The following TMEM74 variants were observed in gnomAD, a reference collection of about 807,000 sequenced individuals.
TMEM74 encodes transmembrane protein 74.
Under a neutral mutation model 18.1 loss-of-function variants are expected in TMEM74, and 13 were observed. That is an observed-to-expected ratio of 0.72 (90% CI 0.47 to 1.14). The LOEUF (loss-of-function observed/expected upper bound fraction) is 1.14, where lower values mean the gene tolerates loss of function less well. TMEM74 is among the 50% of genes most tolerant of loss of function. The pLI, the probability that TMEM74 is intolerant of heterozygous loss-of-function variation, is 0.00. For missense variants in TMEM74, 372 were observed against 375.9 expected, an observed-to-expected ratio of 0.99 and a Z score of 0.09; for synonymous variants, 159 against 146.6, an observed-to-expected ratio of 1.08 and a Z score of -0.61.
intron 1 of TMEM74, among the ~76,000 whole-genome samples, chr8:108,738,593 G>A (rs1319722801): frequency 6.6e-6 from 1 of 152,076 alleles, no homozygotes; most frequent in East Asian, 1.9e-4. Flanking sequence ...AAGGGTCATG[G>A]TGATACAATG....
chr8:108,667,936 T>C (rs1316577943), intron 1 of TMEM74, among the ~76,000 whole-genome samples: 1 of 152,178 alleles, frequency 6.6e-6, no homozygotes, highest in Non-Finnish European at 1.5e-5. Context: ...TGCTTCATTT[T>C]ATGGACACCA....
intron 1 of TMEM74, among the ~76,000 whole-genome samples, chr8:108,669,547 A>T (rs1055103634): frequency 1.3e-5 from 2 of 152,130 alleles, no homozygotes; most frequent in Admixed American, 6.6e-5. Context: ...ATAACTGGTG[A>T]CTCTGAGCAG....
chr8:108,620,763 G>A (rs1266024992), intron 2 of TMEM74, among the ~76,000 whole-genome samples: 1 of 152,008 alleles, frequency 6.6e-6, no homozygotes, highest in Non-Finnish European at 1.5e-5. Flanking sequence ...CTTGTCTGAG[G>A]GGACAGTGTT....
intron 1 of TMEM74, among the ~76,000 whole-genome samples, chr8:108,758,990 CAT>C (rs1394800483): frequency 2.0e-5 from 3 of 151,962 alleles, no homozygotes; most frequent in Non-Finnish European, 2.9e-5. Context: ...TGCTTAAAGA[CAT>C]GTGTCCAAAT....
In TMEM74 at chr8:108,713,054, G is replaced by A. The variant is rs181562166; in HGVS notation, n.120-57617C>T. ...TAGGATCTATTCCAGAGTTATTGAC[G>A]ATGTTATTGGAGTCCACAAATACAT... is the stretch of plus-strand genomic sequence containing the variant. On this transcript the variant is annotated intron_variant and non_coding_transcript_variant, in intron 1 of 3. Coordinates refer to the TMEM74 transcript ENST00000518838. 3.9e-5 allele frequency among the ~76,000 whole-genome samples: 6 copies of A among 152,256 alleles called. No homozygotes were observed. The East Asian group carries it at 5.8e-4, about 15-fold the overall frequency.
At chr8:108,691,222 A>G (rs1264476082) in intron 1 of TMEM74, among the ~76,000 whole-genome samples, 1 of 152,098 alleles carries the variant, frequency 6.6e-6, no homozygotes, top group Non-Finnish European at 1.5e-5. Context: ...AAAGGATGTG[A>G]TCTCTTTGGT....
intron 1 of TMEM74, among the ~76,000 whole-genome samples, chr8:108,758,101 AC>A (rs1338359509): frequency 6.6e-6 from 1 of 152,090 alleles, no homozygotes; most frequent in Non-Finnish European, 1.5e-5. Context: ...TTTTATAATA[AC>A]CTACAAGTAA....
intron 1 of TMEM74, among the ~76,000 whole-genome samples, chr8:108,670,565 T>C (rs1042696187): frequency 1.3e-5 from 2 of 152,190 alleles, no homozygotes; most frequent in East Asian, 3.8e-4. Context: ...GTGATTTATT[T>C]TGATACTTTC....
chr8:108,678,748 T>C (rs1813081779), intron 1 of TMEM74, among the ~76,000 whole-genome samples: 1 of 150,712 alleles, frequency 6.6e-6, no homozygotes, highest in Non-Finnish European at 1.5e-5. Context: ...TTTATTTATT[T>C]ATTTTATTAT....
chr8:108,770,918 C>A (rs754981545), intron 1 of TMEM74, among the ~76,000 whole-genome samples: 2 of 152,080 alleles, frequency 1.3e-5, no homozygotes, highest in Non-Finnish European at 1.5e-5. Context: ...AAGACATGAG[C>A]TGTTCAGAGG....
intron 1 of TMEM74, among the ~76,000 whole-genome samples, chr8:108,773,035 C>T (rs1320753553): frequency 6.6e-6 from 1 of 151,984 alleles, no homozygotes; most frequent in Non-Finnish European, 1.5e-5. Context: ...AATGATTCTC[C>T]ACTACATTAG....
rs1048240837 is a variant in TMEM74, at chr8:108,755,204, A to T, written n.119+32272T>A. Among the ~76,000 whole-genome samples, 3 of 152,196 alleles carry T rather than the reference A, an allele frequency of 2.0e-5. No individual in the cohort carries two copies. The East Asian group carries it at 5.8e-4, about 30-fold the overall frequency. ...GCCTTTAGTCTGACCATCCCAAGGGATTGAATTCTGCTAACTACCTGAGTG... is the reference window on the plus strand; with the variant it reads ...GCCTTTAGTCTGACCATCCCAAGGGTTTGAATTCTGCTAACTACCTGAGTG... On this transcript the variant is annotated intron_variant and non_coding_transcript_variant, in intron 1 of 3. Coordinates refer to the TMEM74 transcript ENST00000518838.
intron 1 of TMEM74, among the ~76,000 whole-genome samples, chr8:108,765,728 T>A (rs1038657000): frequency 3.6e-4 from 55 of 152,078 alleles, no homozygotes; most frequent in African/African-American, 1.3e-3. Context: ...ACTTTTAACG[T>A]TAATAACAGC....
At position 108,746,233 on chromosome 8, in the gene TMEM74, G is replaced by T. The variant is rs191478439; in HGVS notation, n.119+41243C>A. 9.2e-5 allele frequency among the ~76,000 whole-genome samples: 14 copies of T among 152,292 alleles called. No individual in the cohort carries two copies. In the East Asian group the frequency reaches 1.7e-3, roughly 19 times the overall value. On this transcript the variant is annotated intron_variant and non_coding_transcript_variant, in intron 1 of 3. Transcript: ENST00000518838. Reference sequence around the variant, plus strand: ...AGGGGAGGCTATTTTGACTGAAAGAGTTCCAGTTGCATTTCCCATCCAGAG... The same window carrying T: ...AGGGGAGGCTATTTTGACTGAAAGATTTCCAGTTGCATTTCCCATCCAGAG...
At chr8:108,759,495 A>G (rs1497629) in intron 1 of TMEM74, among the ~76,000 whole-genome samples, 151,386 of 152,228 alleles carry the variant, frequency 0.99, 75,274 homozygotes, top group Middle Eastern at 1. Context: ...ACAACTTAAA[A>G]GGGACTGATT....
At position 108,781,616 on chromosome 8, in the gene TMEM74, T is replaced by A. The variant is rs962805141; in HGVS notation, c.*2565A>T. On this transcript the variant is annotated 3_prime_UTR_variant, in exon 2 of 2. Coordinates refer to ENST00000297459, the MANE Select transcript of TMEM74 (RefSeq NM_153015.3). ...GTGTAATGGTTTGCCCTCAGATAAG[T>A]AGAACCTTAAAAGAGAGGTGCTCTA... 6.6e-6 allele frequency among the ~76,000 whole-genome samples: 1 copy of A among 152,198 alleles called. No individual in the cohort carries two copies. Among genetic ancestry groups the A allele is most frequent in the African/African-American group, 2.4e-5 (1 of 41,458 alleles).
intron 2 of TMEM74, among the ~76,000 whole-genome samples, chr8:108,619,632 G>T (rs966049959): frequency 3.3e-5 from 5 of 152,194 alleles, no homozygotes; most frequent in Non-Finnish European, 7.3e-5. Flanking sequence ...TCCAGTAGGA[G>T]CTTAAGCATA....
rs867362935 is a variant in TMEM74, at chr8:108,706,811, A to G, written n.120-51374T>C. On this transcript the variant is annotated intron_variant and non_coding_transcript_variant, in intron 1 of 3. Transcript: ENST00000518838. ...TGTGTGTGTGTGTGTGTGTGTGTGT[A>G]TGCAAGCACATGCATGTAAAATAAT... 1.4e-3 allele frequency among the ~76,000 whole-genome samples: 73 copies of G among 53,714 alleles called. 1 individual carries two copies. The East Asian group carries it at 0.037, about 28-fold the overall frequency. The allele number at this position is 53,714 out of a possible 152,430, so 35.2% of individuals were successfully genotyped here.
At chr8:108,753,302 T>C (rs1813920889) in intron 1 of TMEM74, among the ~76,000 whole-genome samples, 1 of 152,088 alleles carries the variant, frequency 6.6e-6, no homozygotes, top group African/African-American at 2.4e-5. Context: ...CATTGAATGT[T>C]TGTATACTGA....
Sources: gnomAD v4.1 joint callset for allele counts (sites outside exome capture counted in the v4.1 genomes callset) on GRCh38, gnomAD v4.1.1 for gene constraint, MANE v1.5 for transcripts, NCBI Gene and HGNC (gene_info 2026-07-23, HGNC 2026-07-21) for gene names.